The following ADGRL2 variants were observed in gnomAD, a reference collection of about 807,000 sequenced individuals.
ADGRL2 encodes the protein adhesion G protein-coupled receptor L2.
ADGRL2 carries 44 observed loss-of-function variants against 157.4 expected under a neutral mutation model. The ratio of observed to expected loss-of-function variants is 0.28; its 90% CI spans 0.22 to 0.36. The LOEUF (loss-of-function observed/expected upper bound fraction) is 0.36. Among genes scored for constraint, ADGRL2 ranks in the 10% least tolerant of loss-of-function variants. The probability of loss-of-function intolerance (pLI) is 1.00; values close to 1 mark genes in which losing one functional copy is unlikely to be tolerated. For missense variants in ADGRL2, 1,510 were observed against 1,768.9 expected (o/e 0.85, Z 2.63); for synonymous variants, 585 against 624.7 (o/e 0.94, Z 0.95).
At chr1:81,427,769 C>A (rs1233595362) in intron 1 of ADGRL2, among the ~76,000 whole-genome samples, 7 of 152,120 alleles carry the variant, frequency 4.6e-5, no homozygotes, top group Non-Finnish European at 1.0e-4. Context: ...GTTACTGCAG[C>A]TTAAACAGGA....
At chr1:81,779,834 C>CAGG (rs1346880855) in intron 2 of ADGRL2, among the ~76,000 whole-genome samples, 1 of 152,150 alleles carries the variant, frequency 6.6e-6, no homozygotes, top group Non-Finnish European at 1.5e-5. Flanking sequence ...GGGTCCTGAG[C>CAGG]AGGAGTTCCC....
chr1:81,809,905 C>T (rs2089648666), intron 1 of ADGRL2, among the ~76,000 whole-genome samples: 1 of 151,856 alleles, frequency 6.6e-6, no homozygotes, highest in South Asian at 2.1e-4. Flanking sequence ...TGCCTGTGGA[C>T]TGAGAAATGC....
intron 1 of ADGRL2, among the ~76,000 whole-genome samples, chr1:81,399,870 C>T (rs866111628): frequency 6.6e-6 from 1 of 151,914 alleles, no homozygotes; most frequent in African/African-American, 2.4e-5. Context: ...TTCCTGTAGC[C>T]CTGTGTTGAT....
At chr1:81,651,162 AT>A (rs1361988019) in intron 3 of ADGRL2, among the ~76,000 whole-genome samples, 4 of 152,158 alleles carry the variant, frequency 2.6e-5, no homozygotes, top group Non-Finnish European at 5.9e-5. Flanking sequence ...GCTGTCCTAT[AT>A]TTGCAAAATA....
chr1:81,405,899 T>G (rs573324898), intron 1 of ADGRL2, among the ~76,000 whole-genome samples: 1 of 152,262 alleles, frequency 6.6e-6, no homozygotes, highest in Non-Finnish European at 1.5e-5. Context: ...CAATAAAGTG[T>G]TATCTCCTCA....
intron 2 of ADGRL2, among the ~76,000 whole-genome samples, chr1:81,775,780 C>T (rs370593080): frequency 3.3e-5 from 5 of 152,076 alleles, no homozygotes; most frequent in South Asian, 4.1e-4. Flanking sequence ...TCTTTACTGT[C>T]CATGCATACC....
intron 3 of ADGRL2, among the ~76,000 whole-genome samples, chr1:81,928,135 C>A (rs967475816): frequency 5.3e-5 from 8 of 151,914 alleles, no homozygotes; most frequent in African/African-American, 1.9e-4. Flanking sequence ...AAATTTTGTT[C>A]TAAATTTGGA....
chr1:81,986,420 T>C (rs1188767418), intron 21 of ADGRL2, among the ~76,000 whole-genome samples: 1 of 152,122 alleles, frequency 6.6e-6, no homozygotes, highest in East Asian at 1.9e-4. Context: ...TCATACTTTC[T>C]ACCTGTCTGT....
chr1:81,563,139 T>C (rs1391364415), intron 2 of ADGRL2, among the ~76,000 whole-genome samples: 1 of 152,154 alleles, frequency 6.6e-6, no homozygotes, highest in Non-Finnish European at 1.5e-5. Flanking sequence ...AATTATCTCT[T>C]CAGAAATGTG....
intron 2 of ADGRL2, among the ~76,000 whole-genome samples, chr1:81,549,445 C>T (rs1326587487): frequency 6.6e-6 from 1 of 152,184 alleles, no homozygotes; most frequent in Non-Finnish European, 1.5e-5. Context: ...CTGCAGATGT[C>T]TTCTGTAGCT....
At chr1:81,618,342 T>C (rs1182244715) in intron 3 of ADGRL2, among the ~76,000 whole-genome samples, 2 of 152,216 alleles carry the variant, frequency 1.3e-5, no homozygotes, top group Non-Finnish European at 2.9e-5. Flanking sequence ...CATGATACAC[T>C]GTTCCCTATC....
At chr1:81,633,668 A>G (rs1343850467) in intron 3 of ADGRL2, among the ~76,000 whole-genome samples, 1 of 151,820 alleles carries the variant, frequency 6.6e-6, no homozygotes, top group Non-Finnish European at 1.5e-5. Context: ...TGATTTCAGT[A>G]AATAGCACCA....
intron 1 of ADGRL2, among the ~76,000 whole-genome samples, chr1:81,756,505 T>A (rs1404158378): frequency 6.6e-6 from 1 of 152,156 alleles, no homozygotes; most frequent in Non-Finnish European, 1.5e-5. Flanking sequence ...ACAAGAGGTA[T>A]AAGTGGGTAG....
In ADGRL2 at chr1:81,832,211, G is replaced by A. The variant is rs370247617; in HGVS notation, c.-100-4674G>A. 1.3e-3 allele frequency among the ~76,000 whole-genome samples: 204 copies of A among 152,110 alleles called. 8 individuals carry two copies. The South Asian group carries it at 0.038, about 28-fold the overall frequency. The stretch of plus-strand genomic sequence containing the variant: ...GGCTGGAGTGCAGCGGCACGATCTC[G>A]GCTCACTGCAACCTCCACCTCTCGG... On this transcript the variant is annotated intron_variant, in intron 1 of 23. Coordinates refer to ENST00000686636, the MANE Select transcript of ADGRL2 (RefSeq NM_001366006.2).
chr1:81,478,738 T>C (rs2078324068), intron 2 of ADGRL2, among the ~76,000 whole-genome samples: 1 of 152,202 alleles, frequency 6.6e-6, no homozygotes, highest in African/African-American at 2.4e-5. Flanking sequence ...ACGATTTCTC[T>C]GTGGTTCAGA....
chr1:81,744,217 A>G (rs1263337282), intron 1 of ADGRL2, among the ~76,000 whole-genome samples: 2 of 152,184 alleles, frequency 1.3e-5, no homozygotes, highest in African/African-American at 4.8e-5. Context: ...TCACAATTTC[A>G]TGAGAAATCA....
At chr1:81,786,703 G>C (rs2087065384) in intron 2 of ADGRL2, among the ~76,000 whole-genome samples, 1 of 152,130 alleles carries the variant, frequency 6.6e-6, no homozygotes, top group African/African-American at 2.4e-5. Context: ...AAACATATCT[G>C]GGGCCATCAA....
At chr1:81,481,680 T>A (rs1453592207) in intron 2 of ADGRL2, among the ~76,000 whole-genome samples, 1 of 152,130 alleles carries the variant, frequency 6.6e-6, no homozygotes, top group Non-Finnish European at 1.5e-5. Flanking sequence ...TGAAATGAGG[T>A]TACAATGTTC....
intron 1 of ADGRL2, among the ~76,000 whole-genome samples, chr1:81,747,113 A>G (rs975171136): frequency 2.1e-5 from 3 of 145,012 alleles, no homozygotes; most frequent in African/African-American, 5.1e-5. Context: ...ATATATGTGT[A>G]TATATGTGTA....
Sources: gnomAD v4.1 joint callset for allele counts (sites outside exome capture counted in the v4.1 genomes callset) on GRCh38, gnomAD v4.1.1 for gene constraint, MANE v1.5 for transcripts, NCBI Gene and HGNC (gene_info 2026-07-23, HGNC 2026-07-21) for gene names.